PCDHA5: variants seen among roughly 807,000 people sequenced by gnomAD.
PCDHA5 encodes the protein protocadherin alpha-5.
PCDHA5 carries 43 observed loss-of-function variants against 61.6 expected under a neutral mutation model. That is an observed-to-expected ratio of 0.70 (90% confidence interval 0.55 to 0.90). The LOEUF (loss-of-function observed/expected upper bound fraction) is 0.90. PCDHA5 is among the 40% of genes least tolerant of loss of function. The pLI, the probability that PCDHA5 is intolerant of heterozygous loss-of-function variation, is 0.00. For synonymous variants in PCDHA5, 627 were observed against 543.9 expected (o/e 1.15, Z -2.13); for missense variants, 1,298 against 1,222.7 (o/e 1.06, Z -0.92).
chr5:140,978,829 T>A (rs2096825254), intron 1 of PCDHA5, 120 bp from the exon 2 acceptor site: 2 of 1,533,852 alleles, frequency 1.3e-6, no homozygotes, highest in Admixed American at 2.0e-5. Flanking sequence ...ATGAAATGGC[T>A]CATTCAATAC....
intron 1 of PCDHA5, chr5:140,883,550 C>A: frequency 6.2e-7 from 1 of 1,614,188 alleles, no homozygotes; most frequent in Non-Finnish European, 8.5e-7. Flanking sequence ...GGTGACCGCG[C>A]GGGACGGGGG....
chr5:140,903,020 A>G lies in PCDHA5; in HGVS notation c.2353-75929A>G, dbSNP rs375776888. ...AATTGTGAATTGTGCTGCTATCAAC[A>G]TGGCTTGCACATGTGTCTTTTTCAT... On this transcript the variant is annotated intron_variant, in intron 1 of 3. Coordinates refer to ENST00000529859, the MANE Select transcript of PCDHA5 (RefSeq NM_018908.3). Among the ~76,000 whole-genome samples the G allele has an allele frequency of 2.4e-4, 36 of 152,312 alleles. No homozygotes were observed. In the East Asian group the frequency reaches 6.4e-3, roughly 27 times the overall value.
intron 1 of PCDHA5, chr5:140,831,253 C>T (rs1343986683): frequency 6.6e-6 from 1 of 152,124 alleles, no homozygotes; most frequent in African/African-American, 2.4e-5. Flanking sequence ...TCTCTTATTT[C>T]TGTTTGAATT....
intron 3 of PCDHA5, among the ~76,000 whole-genome samples, chr5:141,008,578 C>T (rs1185736158): frequency 6.6e-6 from 1 of 152,202 alleles, no homozygotes; most frequent in Non-Finnish European, 1.5e-5. Context: ...TTTCCCAAGA[C>T]TCAGGGCAGA....
intron 1 of PCDHA5, chr5:140,859,420 CT>C (rs2045858037): frequency 8.6e-6 from 2 of 233,034 alleles, no homozygotes; most frequent in Non-Finnish European, 8.1e-6. Context: ...ATGATATAGA[CT>C]CAGAAATGAA....
chr5:140,858,158 G>T lies in PCDHA5; in HGVS notation c.2352+34031G>T, dbSNP rs781899082. The T allele has an allele frequency of 5.6e-6, 9 of 1,597,732 alleles. 3 individuals carry two copies. Among genetic ancestry groups the T allele is most frequent in the Non-Finnish European group, 7.7e-6 (9 of 1,167,532 alleles). ...CGTGTACCTGATCATCGCCATCTGC[G>T]CGGTGTCCAGCTTGCTGGTGCTCAC... On this transcript the variant is annotated intron_variant, in intron 1 of 3. Coordinates refer to ENST00000529859, the MANE Select transcript of PCDHA5 (RefSeq NM_018908.3).
intron 1 of PCDHA5, among the ~76,000 whole-genome samples, chr5:140,907,645 T>C (rs2073515740): frequency 1.3e-5 from 2 of 152,328 alleles, no homozygotes; most frequent in South Asian, 4.1e-4. Flanking sequence ...TGCTGGCAAA[T>C]TGGGCACTCA....
intron 1 of PCDHA5, chr5:140,877,568 A>G (rs782021677): frequency 1.9e-6 from 3 of 1,613,708 alleles, no homozygotes; most frequent in Non-Finnish European, 1.7e-6. Context: ...ATTAACGTGT[A>G]CCTCATCATC....
chr5:140,966,982 G>C, intron 1 of PCDHA5: 1 of 1,603,506 alleles, frequency 6.2e-7, no homozygotes, highest in Non-Finnish European at 8.5e-7. Flanking sequence ...TGCGGCGCTT[G>C]GGGCCGGGTT....
chr5:140,877,527 C>A (rs1554169810), intron 1 of PCDHA5: 1 of 1,613,642 alleles, frequency 6.2e-7, no homozygotes, highest in East Asian at 2.2e-5. Flanking sequence ...CCTCAGTGGG[C>A]GCTGTGGATC....
At chr5:140,975,671 T>C (rs923429904) in intron 1 of PCDHA5, among the ~76,000 whole-genome samples, 2 of 152,248 alleles carry the variant, frequency 1.3e-5, no homozygotes, top group Admixed American at 6.5e-5. Context: ...TGTGAGTTTA[T>C]TAATAAAATA....
At chr5:140,864,409 G>C (rs1354025134) in intron 1 of PCDHA5, 3 of 152,230 alleles carry the variant, frequency 2.0e-5, no homozygotes, top group Non-Finnish European at 4.4e-5. Context: ...GAGCAGGGTT[G>C]AGGCAGCTTC....
At chr5:140,879,672 G>C (rs1256239319) in intron 1 of PCDHA5, among the ~76,000 whole-genome samples, 1 of 152,160 alleles carries the variant, frequency 6.6e-6, no homozygotes, top group East Asian at 1.9e-4. Flanking sequence ...ACACAAACTG[G>C]GTGCTGTAAA....
chr5:140,884,454 A>G, intron 1 of PCDHA5: 2 of 1,613,688 alleles, frequency 1.2e-6, no homozygotes, highest in Non-Finnish European at 1.7e-6. Flanking sequence ...CCGCCCACCG[A>G]GGGCGCGTGC....
At chr5:140,967,669 G>T (rs782398219) in intron 1 of PCDHA5, 1 of 1,614,126 alleles carries the variant, frequency 6.2e-7, no homozygotes, top group Non-Finnish European at 8.5e-7. Context: ...GCTACACGTC[G>T]GACCGGGAGA....
At chr5:140,921,988 A>G (rs1182214376) in intron 1 of PCDHA5, among the ~76,000 whole-genome samples, 1 of 152,132 alleles carries the variant, frequency 6.6e-6, no homozygotes, top group Non-Finnish European at 1.5e-5. Flanking sequence ...ACTAAAAAAG[A>G]GTTCAATGAA....
intron 1 of PCDHA5, among the ~76,000 whole-genome samples, chr5:140,887,136 G>A (rs1460345753): frequency 2.2e-4 from 33 of 148,834 alleles, no homozygotes; most frequent in Middle Eastern, 3.2e-3. Context: ...TCACTCTGTC[G>A]CCCAGGCTGG....
intron 1 of PCDHA5, among the ~76,000 whole-genome samples, chr5:140,890,624 T>C (rs1487627842): frequency 6.6e-6 from 1 of 152,202 alleles, no homozygotes; most frequent in Non-Finnish European, 1.5e-5. Context: ...CCTAGAAAAT[T>C]AAGCATGTAT....
chr5:140,829,602 T>C, intron 1 of PCDHA5: 1 of 1,612,054 alleles, frequency 6.2e-7, no homozygotes, highest in Non-Finnish European at 8.5e-7. Flanking sequence ...GAGCGCGCGT[T>C]GTCGAGCTAC....
Sources: allele counts gnomAD v4.1 joint callset (sites outside exome capture counted in the v4.1 genomes callset), GRCh38; gene constraint gnomAD v4.1.1; transcripts MANE v1.5; gene names NCBI Gene and HGNC (gene_info 2026-07-23, HGNC 2026-07-21).